The following PIGN variants were observed in gnomAD, a reference collection of about 807,000 sequenced individuals.
The protein encoded by PIGN is GPI ethanolamine phosphate transferase 1.
In PIGN, 117 loss-of-function variants were observed where a neutral mutation model predicts 125.4. That is an observed-to-expected ratio of 0.93 (90% CI 0.80 to 1.09). The LOEUF (loss-of-function observed/expected upper bound fraction) is 1.09. PIGN is among the 50% of genes least tolerant of loss of function. The pLI is 0.00. For synonymous variants in PIGN, 392 were observed against 377.8 expected (o/e 1.04, Z -0.44); for missense variants, 1,075 against 1,094.9 (o/e 0.98, Z 0.26).
chr18:62,071,863 C>CATATATATATATAT (rs61508545), intron 30 of PIGN, among the ~76,000 whole-genome samples: 12 of 77,602 alleles, frequency 1.5e-4, no homozygotes, highest in South Asian at 5.6e-4. Flanking sequence ...ACTCCTTTTC[C>CATATATATATATAT]ATATATATAT....
At chr18:62,082,813 C>G in intron 27 of PIGN, 67 bp from the exon 28 acceptor site, 2 of 807,092 alleles carry the variant, frequency 2.5e-6, no homozygotes, top group South Asian at 1.6e-5. Flanking sequence ...GAAAAAAATA[C>G]TATTTCTGCT....
rs2032872627 is a variant in PIGN, at chr18:62,071,863, C to CATATATATATATATATATATGTAT, written c.2672+809_2672+810insATACATATATATATATATATATAT. Among the ~76,000 whole-genome samples, 24 of 77,606 alleles carry CATATATATATATATATATATGTAT rather than the reference C, an allele frequency of 3.1e-4. 1 individual carries two copies. Among genetic ancestry groups the CATATATATATATATATATATGTAT allele is most frequent in the African/African-American group, 1.1e-3 (24 of 21,906 alleles). The allele number at this position is 77,606 out of a possible 152,430, so 50.9% of individuals were successfully genotyped here. A position where few individuals can be genotyped will look rare whatever the true frequency, so the allele number is the denominator to read the frequency against. On this transcript the variant is annotated intron_variant, in intron 30 of 30. Transcript: ENST00000640252. ...CGTTTTTTAGACTGTACTCCTTTTC[C>CATATATATATATATATATATGTAT]ATATATATATATATATATATATATA...
chr18:62,068,166 C>T (rs1483779163), intron 30 of PIGN, among the ~76,000 whole-genome samples: 1 of 152,108 alleles, frequency 6.6e-6, no homozygotes, highest in East Asian at 1.9e-4. Context: ...GAATAAAATG[C>T]CTGTAGCACT....
chr18:62,178,389 C>T (rs1035835335), intron 1 of PIGN, among the ~76,000 whole-genome samples: 2 of 151,858 alleles, frequency 1.3e-5, no homozygotes, highest in African/African-American at 4.8e-5. Context: ...TAATAAACCA[C>T]CGTACTCTGC....
At position 62,102,866 on chromosome 18, in the gene PIGN, C is replaced by A; in HGVS notation, c.1896G>T (p.Leu632=). The A allele has an allele frequency of 6.3e-7, 1 of 1,585,954 alleles. No individual in the cohort carries two copies. The highest frequency in any genetic ancestry group is 8.6e-7 in the Non-Finnish European group (1 of 1,165,152). The stretch of plus-strand genomic sequence containing the variant: ...TTTTCATGAGAGATGTTACAACACA[C>A]AGGGATAACAGAAGAACCAGCAAGC... ...GAGLLVLLLS[L]CVVTSLMKRK... is the part of the protein sequence containing the mutation. Residue 632 remains leucine, a synonymous_variant, in exon 21 of 31, where the codon CTG becomes CTT. Coordinates refer to ENST00000640252, the MANE Select transcript of PIGN (RefSeq NM_176787.5).
rs749969084 is a variant in PIGN, at chr18:62,105,634, T to C, written c.1768A>G (p.Met590Val). The part of the protein sequence containing the change: ...FLTRLWTRAK[M>V]TSLSWTFFSL... ...AAGAAAGTCCAACTCAGTGAGGTCATCTAAAATCAAGAAAAAAGTTATCTT... is the reference window on the plus strand; with the variant it reads ...AAGAAAGTCCAACTCAGTGAGGTCACCTAAAATCAAGAAAAAAGTTATCTT... The change falls in exon 20 of 31, where the codon ATG (methionine) becomes GTG (valine). Residue 590 changes from methionine to valine, a missense_variant and splice_region_variant. Physicochemically the swap from Met to Val is conservative, Grantham distance 21. Coordinates refer to ENST00000640252, the MANE Select transcript of PIGN (RefSeq NM_176787.5). 42 of 1,530,930 alleles carry C rather than the reference T, an allele frequency of 2.7e-5. No homozygotes were observed. The highest frequency in any genetic ancestry group is 3.5e-5 in the Non-Finnish European group (40 of 1,135,680). The allele number at this position is 1,530,930 out of a possible 1,614,324, so 94.8% of individuals were successfully genotyped here. A position where few individuals can be genotyped will look rare whatever the true frequency, so the allele number is the denominator to read the frequency against.
chr18:62,065,059 A>G (rs1176100530), intron 30 of PIGN, among the ~76,000 whole-genome samples: 1 of 152,194 alleles, frequency 6.6e-6, no homozygotes, highest in Non-Finnish European at 1.5e-5. Flanking sequence ...CCAAAGGCTG[A>G]TACTGATGCA....
In PIGN at chr18:62,175,080, A is replaced by AAT. The variant is rs1403569597; in HGVS notation, c.-235-11426_-235-11425dup. On this transcript the variant is annotated intron_variant, in intron 1 of 30. Transcript: ENST00000640252. ...TTATATATAATAAATATATATATTT[A>AAT]ATATATCTAATATATATAATGTTTA... 7.2e-3 allele frequency among the ~76,000 whole-genome samples: 1,051 copies of AAT among 145,968 alleles called. 15 individuals are homozygous for AAT. The highest frequency in any genetic ancestry group is 0.021 in the African/African-American group (853 of 40,174).
At chr18:62,115,426 T>C (rs2035050493) in intron 14 of PIGN, among the ~76,000 whole-genome samples, 2 of 152,228 alleles carry the variant, frequency 1.3e-5, no homozygotes, top group African/African-American at 4.8e-5. Context: ...CCTACATGTC[T>C]AAAATGAATG....
intron 6 of PIGN, among the ~76,000 whole-genome samples, chr18:62,156,028 T>C (rs1401757661): frequency 6.6e-6 from 1 of 152,240 alleles, no homozygotes; most frequent in African/African-American, 2.4e-5. Context: ...CACTCATGAC[T>C]AAGTATGTTA....
chr18:62,053,527 C>A (rs111955719), intron 30 of PIGN, among the ~76,000 whole-genome samples: 3,388 of 152,206 alleles, frequency 0.022, 104 homozygotes, highest in African/African-American at 0.058. Context: ...AAAAACATGA[C>A]CGTGACCAAA....
At chr18:62,097,482 T>C (rs947247355) in intron 22 of PIGN, among the ~76,000 whole-genome samples, 1 of 147,524 alleles carries the variant, frequency 6.8e-6, no homozygotes, top group African/African-American at 2.5e-5. Flanking sequence ...GGTGGGACTG[T>C]AAACTAGTTC....
At position 62,018,832 on chromosome 18, in the gene PIGN, C is replaced by CCTCATCTA. The variant is rs570982481; in HGVS notation, c.2143-1099_2143-1092dup. ...AGCCAGAAAGGAGCTAACCTCACTT[C>CCTCATCTA]CTCATCTACAGAAGAAAACACACGC... is the stretch of plus-strand genomic sequence containing the variant. On this transcript the variant is annotated intron_variant, in intron 23 of 24. Transcript: ENST00000639600. Among the ~76,000 whole-genome samples, 284 of 152,196 alleles carry CCTCATCTA rather than the reference C, an allele frequency of 1.9e-3. 1 individual carries two copies. The highest frequency in any genetic ancestry group is 6.6e-3 in the African/African-American group (272 of 41,520).
Position 62,056,278 on chromosome 18 carries a change from G to A in PIGN, c.2673-10299C>T, listed in dbSNP as rs937833107. Among the ~76,000 whole-genome samples the A allele has an allele frequency of 4.0e-5, 6 of 151,654 alleles. No homozygotes were observed. In the East Asian group the frequency reaches 7.9e-4, roughly 20 times the overall value. On this transcript the variant is annotated intron_variant, in intron 30 of 30. Coordinates refer to ENST00000640252, the MANE Select transcript of PIGN (RefSeq NM_176787.5). ...CGGGCATTAGAATCAACAGGACAAC[G>A]GAAGAGAACAGATCATCCTGTCACC...
chr18:62,070,231 G>A (rs1315613547), intron 30 of PIGN: 30 of 393,622 alleles, frequency 7.6e-5, no homozygotes, highest in South Asian at 1.4e-4. Flanking sequence ...AAACCCAGGC[G>A]CTCTGGTTTA....
chr18:62,042,130 G>A lies in PIGN; in HGVS notation c.*3726C>T, dbSNP rs1447807120. 1 of 152,174 alleles carries A rather than the reference G, an allele frequency of 6.6e-6. No individual in the cohort carries two copies. The highest frequency in any genetic ancestry group is 2.4e-5 in the African/African-American group (1 of 41,432). 9.4% of individuals were successfully genotyped at this position (152,174 alleles called of 1,614,324 possible). On this transcript the variant is annotated 3_prime_UTR_variant, in exon 31 of 31. Coordinates refer to ENST00000640252, the MANE Select transcript of PIGN (RefSeq NM_176787.5). ...GAGGTCAGGAGTTCAAGATGAGCCT[G>A]ACAAACATGGTGAAACCTTGTCAGT...
At chr18:62,087,105 A>C (rs1427932591) in intron 25 of PIGN, among the ~76,000 whole-genome samples, 1 of 152,174 alleles carries the variant, frequency 6.6e-6, no homozygotes, top group Admixed American at 6.5e-5. Context: ...GTTTGCATAG[A>C]AGTGTCTACC....
intron 1 of PIGN, among the ~76,000 whole-genome samples, chr18:62,173,217 G>C (rs943097341): frequency 6.6e-6 from 1 of 152,104 alleles, no homozygotes. Context: ...ATTAGGTTAC[G>C]GTCTACAAAA....
intron 30 of PIGN, among the ~76,000 whole-genome samples, chr18:62,067,047 A>G (rs2032560086): frequency 6.6e-6 from 1 of 152,208 alleles, no homozygotes; most frequent in Non-Finnish European, 1.5e-5. Context: ...TCAGTCATAC[A>G]TGCAAGTACT....
Sources: allele counts gnomAD v4.1 joint callset (sites outside exome capture counted in the v4.1 genomes callset), GRCh38; gene constraint gnomAD v4.1.1; transcripts MANE v1.5; gene names NCBI Gene and HGNC (gene_info 2026-07-23, HGNC 2026-07-21).